GARS1: variants seen among roughly 807,000 people sequenced by gnomAD.
GARS1 encodes the protein glycine--tRNA ligase.
GARS1 carries 46 observed loss-of-function variants against 86.4 expected under a neutral mutation model. That is an observed-to-expected ratio of 0.53 (90% CI 0.42 to 0.68). The LOEUF (loss-of-function observed/expected upper bound fraction) is 0.68. Ranked by LOEUF, GARS1 falls within the 30% of genes least tolerant of loss-of-function variation. GARS1 has a pLI of 0.00. For synonymous variants in GARS1, 342 were observed against 329.8 expected (o/e 1.04, Z -0.40); for missense variants, 797 against 915.6 (o/e 0.87, Z 1.67).
intron 12 of GARS1, among the ~76,000 whole-genome samples, chr7:30,625,099 C>T (rs570235580): frequency 2.0e-5 from 3 of 152,104 alleles, no homozygotes; most frequent in Non-Finnish European, 4.4e-5. Context: ...TGCACCACCA[C>T]GCCTAGCTAA....
intron 1 of GARS1, among the ~76,000 whole-genome samples, chr7:30,595,618 C>A (rs979805489): frequency 6.6e-6 from 1 of 152,190 alleles, no homozygotes; most frequent in Non-Finnish European, 1.5e-5. Context: ...CCGGTTCTTT[C>A]GTCTTACGGC....
At chr7:30,618,824 A>C (rs2128134836) in intron 10 of GARS1, among the ~76,000 whole-genome samples, 1 of 152,360 alleles carries the variant, frequency 6.6e-6, no homozygotes, top group East Asian at 1.9e-4. Flanking sequence ...AGAAAGAATT[A>C]CTGTAATCTG....
Position 30,612,143 on chromosome 7 carries a change from G to A in GARS1, c.929G>A (p.Arg310Gln), listed in dbSNP as rs1135401748. 3.1e-6 allele frequency: 5 copies of A among 1,613,880 alleles called. No homozygotes were observed. The highest frequency in any genetic ancestry group is 1.7e-5 in the Admixed American group (1 of 59,994). The change falls in exon 8 of 17, where the codon CGA becomes CAA. Residue 310 changes from arginine to glutamine, a missense_variant. Transcript: ENST00000389266. ...CAGGGGATTTTCTTGAATTTCAAAC[G>A]ACTTTTGGAGTTCAACCAAGGAAAG... ...TAQGIFLNFK[R>Q]LLEFNQGKLP... is the part of the protein sequence containing the mutation.
chr7:30,600,948 T>C, intron 3 of GARS1, 111 bp from the exon 4 acceptor site: 1 of 995,504 alleles, frequency 1.0e-6, no homozygotes. Context: ...ATTTGCATTG[T>C]TGACTTGAAT....
rs1783282054 is a variant in GARS1 at position 30,633,793 on chromosome 7, A to G, written c.2153A>G (p.Asp718Gly). ...DLANGNITWADVEARYPLFEG... is the reference protein window; with the variant it reads ...DLANGNITWAGVEARYPLFEG... ...GCCAATGGCAACATCACATGGGCTGATGTGGAGGCCAGGTATCCTCTGTTT... is the reference window on the plus strand; with the variant it reads ...GCCAATGGCAACATCACATGGGCTGGTGTGGAGGCCAGGTATCCTCTGTTT... Residue 718 changes from aspartate (D) to glycine (G), a missense_variant, in exon 17 of 17, where the codon GAT (aspartate) becomes GGT (glycine). Physicochemically the swap from Asp to Gly is moderately conservative, Grantham distance 94. This residue lies in a region of GARS1 where 598 missense variants were observed against 738.7 expected (regional missense o/e 0.81). Coordinates refer to ENST00000389266, the MANE Select transcript of GARS1 (RefSeq NM_002047.4). The G allele has an allele frequency of 1.3e-6, 2 of 1,576,164 alleles. No homozygotes were observed. The highest frequency in any genetic ancestry group is 1.4e-5 in the African/African-American group (1 of 73,316).
intron 6 of GARS1, among the ~76,000 whole-genome samples, chr7:30,606,855 TTAA>T (rs1218847936): frequency 6.6e-6 from 1 of 152,106 alleles, no homozygotes. Flanking sequence ...TTTTCATGAG[TTAA>T]TATAGATACT....
chr7:30,618,926 CTT>C (rs1782944002), intron 10 of GARS1, among the ~76,000 whole-genome samples: 2 of 152,156 alleles, frequency 1.3e-5, no homozygotes, highest in Non-Finnish European at 2.9e-5. Context: ...TTTCTTTACA[CTT>C]TTTAGATTTT....
intron 6 of GARS1, among the ~76,000 whole-genome samples, chr7:30,609,306 A>G (rs1791546722): frequency 6.6e-6 from 1 of 152,196 alleles, no homozygotes; most frequent in Non-Finnish European, 1.5e-5. Context: ...ACCAATAACT[A>G]TTATAATTGA....
intron 11 of GARS1, chr7:30,621,739 CT>C: frequency 1.7e-6 from 1 of 579,062 alleles, no homozygotes; most frequent in South Asian, 2.1e-5. Flanking sequence ...TAGAAAAATG[CT>C]CTGAATATCT....
At position 30,595,008 on chromosome 7, in the gene GARS1, G is replaced by T. The variant is rs772356008; in HGVS notation, c.87G>T (p.Ser29=). The change falls in exon 1 of 17, where the codon TCG becomes TCT. Residue 29 remains serine (S), a synonymous_variant. Transcript: ENST00000389266. ...LLPPRLLARP[S]LLLRRSLSAA... ...CGCCCCGGCTCTTAGCCCGACCCTC[G>T]CTCCTGCTCCGCCGGTCCCTCAGCG... 2.5e-6 allele frequency: 4 copies of T among 1,583,844 alleles called. No homozygotes were observed. The highest frequency in any genetic ancestry group is 3.4e-6 in the Non-Finnish European group (4 of 1,172,674).
At chr7:30,598,435 C>T (rs1173856401) in intron 1 of GARS1, among the ~76,000 whole-genome samples, 1 of 133,508 alleles carries the variant, frequency 7.5e-6, no homozygotes, top group Admixed American at 8.6e-5. Flanking sequence ...GTCACCCAGG[C>T]TGGAGTGTAG....
rs376308368 is a variant in GARS1, at chr7:30,632,408, C to G, written c.2065C>G (p.Arg689Gly). The change falls in exon 16 of 17, where the codon CGT becomes GGT. Residue 689 changes from arginine (R) to glycine (G), a missense_variant. By Grantham distance (125) the Arg-to-Gly change is moderately radical (BLOSUM62 -2). Around this residue, in one of 2 missense-constraint regions of GARS1, gnomAD observed 598 missense variants for 738.7 expected, o/e 0.81. Coordinates refer to ENST00000389266, the MANE Select transcript of GARS1 (RefSeq NM_002047.4). This position sits in a 1 kb window ranked among gnomAD's most constrained non-coding sequence, Gnocchi z 4.1. Reference sequence around the variant, plus strand: ...CCCCCACACTGCAACTCTGAGGGACCGTGACTCAATGCGGCAGATAAGAGC... The same window carrying G: ...CCCCCACACTGCAACTCTGAGGGACGGTGACTCAATGCGGCAGATAAGAGC... ...KTPHTATLRD[R>G]DSMRQIRAEI... 2.7e-5 allele frequency: 43 copies of G among 1,614,014 alleles called. No homozygotes were observed. Among genetic ancestry groups the G allele is most frequent in the Non-Finnish European group, 1.7e-5 (20 of 1,180,018 alleles).
intron 15 of GARS1, chr7:30,631,906 A>C: frequency 2.5e-6 from 1 of 394,012 alleles, no homozygotes; most frequent in Admixed American, 3.7e-5. Context: ...GTCATCTGGC[A>C]CATCCACTTA....
intron 6 of GARS1, among the ~76,000 whole-genome samples, chr7:30,607,546 G>C (rs1329692424): frequency 6.6e-6 from 1 of 151,494 alleles, no homozygotes; most frequent in Non-Finnish European, 1.5e-5. Context: ...TGGGCCTGTC[G>C]GGGGGTGGGA....
chr7:30,622,531 A>T, intron 12 of GARS1, 69 bp downstream of exon 12: 1 of 1,576,858 alleles, frequency 6.3e-7, no homozygotes, highest in Non-Finnish European at 8.7e-7. Flanking sequence ...TTCTGAAAGG[A>T]TGAGATTAAT....
rs754844192 is a variant in GARS1, at chr7:30,600,004, C to G, written c.382C>G (p.Leu128Val). 2 of 1,613,926 alleles carry G rather than the reference C, an allele frequency of 1.2e-6. No homozygotes were observed. The highest frequency in any genetic ancestry group is 1.7e-6 in the Non-Finnish European group (2 of 1,179,864). The change falls in exon 3 of 17, where the codon CTG becomes GTG. Residue 128 changes from leucine to valine, a missense_variant. Coordinates refer to ENST00000389266, the MANE Select transcript of GARS1 (RefSeq NM_002047.4). ...AGACCGAGCAAAAATGGAAGATACC[C>G]TGAAGAGGAGGTTTTTCTATGATCA... is the stretch of plus-strand genomic sequence containing the variant. Reference protein sequence around the residue: ...IVDRAKMEDTLKRRFFYDQAF... With the variant: ...IVDRAKMEDTVKRRFFYDQAF...
chr7:30,604,073 G>A (rs1335873210), intron 6 of GARS1, among the ~76,000 whole-genome samples: 1 of 152,106 alleles, frequency 6.6e-6, no homozygotes, highest in Non-Finnish European at 1.5e-5. Context: ...TAATATTTAA[G>A]CTGACAAATT....
At position 30,594,889 on chromosome 7, in the gene GARS1, C is replaced by T. The variant is rs1302584152; in HGVS notation, c.-33C>T. 2 of 1,519,680 alleles carry T rather than the reference C, an allele frequency of 1.3e-6. No individual in the cohort carries two copies. The highest frequency in any genetic ancestry group is 2.5e-5 in the East Asian group (1 of 40,754). The allele number at this position is 1,519,680 out of a possible 1,614,324, so 94.1% of individuals were successfully genotyped here. ...GGGCGGCGCGCGCCGCTTCCGTCGCCACCCTCTCTGGACAGCCCAGGGCCG... is the reference window on the plus strand; with the variant it reads ...GGGCGGCGCGCGCCGCTTCCGTCGCTACCCTCTCTGGACAGCCCAGGGCCG... On this transcript the variant is annotated 5_prime_UTR_variant, in exon 1 of 17. Transcript: ENST00000389266.
Position 30,617,231 on chromosome 7 carries a change from G to C in GARS1, c.1312G>C (p.Ala438Pro). 1 of 1,613,966 alleles carries C rather than the reference G, an allele frequency of 6.2e-7. No individual in the cohort carries two copies. The highest frequency in any genetic ancestry group is 8.5e-7 in the Non-Finnish European group (1 of 1,179,864). The change falls in exon 10 of 17, where the codon GCC becomes CCC. Residue 438 changes from alanine (A) to proline (P), a missense_variant. Around this residue, in one of 2 missense-constraint regions of GARS1, gnomAD observed 598 missense variants for 738.7 expected, o/e 0.81. Coordinates refer to ENST00000389266, the MANE Select transcript of GARS1 (RefSeq NM_002047.4). ...CCGGCAGCACATGGAGAATGAGATG[G>C]CCCATTATGCCTGTGACTGTTGGGA... is the stretch of plus-strand genomic sequence containing the variant. Reference protein sequence around the residue: ...RFRQHMENEMAHYACDCWDAE... With the variant: ...RFRQHMENEMPHYACDCWDAE...
Sources: allele counts gnomAD v4.1 joint callset (sites outside exome capture counted in the v4.1 genomes callset), GRCh38; gene constraint gnomAD v4.1.1; regional missense constraint gnomAD v4.1.1; non-coding constraint Gnocchi (gnomAD v3.1); transcripts MANE v1.5; gene names NCBI Gene and HGNC (gene_info 2026-07-23, HGNC 2026-07-21).